The following PIAS2 variants were observed in gnomAD, a reference collection of about 807,000 sequenced individuals.
PIAS2 encodes the protein protein inhibitor of activated STAT 2.
A neutral mutation model predicts 69.7 loss-of-function variants in PIAS2; 19 were observed. The observed-to-expected ratio is 0.27, with a 90% CI of 0.19 to 0.40. The LOEUF is 0.40. PIAS2 is among the 10% of genes least tolerant of loss of function. The probability of loss-of-function intolerance (pLI) is 1.00; values close to 1 mark genes in which losing one functional copy is unlikely to be tolerated. For missense variants in PIAS2, 624 were observed against 757.0 expected, an observed-to-expected ratio of 0.82 and a Z score of 2.06; for synonymous variants, 261 against 263.2, an observed-to-expected ratio of 0.99 and a Z score of 0.08.
At chr18:46,885,985 G>T (rs1568733146) in intron 2 of PIAS2, among the ~76,000 whole-genome samples, 1 of 152,204 alleles carries the variant, frequency 6.6e-6, no homozygotes, top group Non-Finnish European at 1.5e-5. Flanking sequence ...ACAGAGCAAA[G>T]TAAGAAAATT....
At chr18:46,834,961 A>G (rs1024616053) in intron 9 of PIAS2, among the ~76,000 whole-genome samples, 8 of 152,342 alleles carry the variant, frequency 5.3e-5, no homozygotes, top group Middle Eastern at 3.4e-3. Context: ...GAGTATTTCT[A>G]TTTCTAAGAA....
chr18:46,879,778 T>C (rs1225165200), intron 2 of PIAS2, among the ~76,000 whole-genome samples: 1 of 152,126 alleles, frequency 6.6e-6, no homozygotes, highest in African/African-American at 2.4e-5. Flanking sequence ...TTGAGGACAT[T>C]ACGTTTAGTG....
chr18:46,837,835 G>T (rs1434561387), intron 8 of PIAS2, among the ~76,000 whole-genome samples: 2 of 151,998 alleles, frequency 1.3e-5, no homozygotes, highest in African/African-American at 2.4e-5. Flanking sequence ...TTGAAAATTT[G>T]TTTCTCCCAC....
intron 1 of PIAS2, among the ~76,000 whole-genome samples, chr18:46,894,282 A>G (rs1446772133): frequency 1.3e-5 from 2 of 152,138 alleles, no homozygotes; most frequent in Non-Finnish European, 2.9e-5. Flanking sequence ...TTCTTAACTT[A>G]GTCTTTCACC....
At chr18:46,841,635 C>G (rs943408178) in intron 8 of PIAS2, among the ~76,000 whole-genome samples, 7 of 152,160 alleles carry the variant, frequency 4.6e-5, no homozygotes, top group African/African-American at 1.7e-4. Flanking sequence ...AACACTACTA[C>G]TATAGCCCAA....
chr18:46,856,087 G>A (rs1245529918), intron 3 of PIAS2, among the ~76,000 whole-genome samples: 2 of 128,064 alleles, frequency 1.6e-5, no homozygotes, highest in Non-Finnish European at 3.1e-5. Flanking sequence ...CTCACTGCAA[G>A]CTCCGCCTCC....
At chr18:46,899,300 A>G (rs779832126) in intron 1 of PIAS2, among the ~76,000 whole-genome samples, 2 of 152,208 alleles carry the variant, frequency 1.3e-5, no homozygotes, top group Non-Finnish European at 2.9e-5. Flanking sequence ...ATAGTAACTG[A>G]ATAAGTAACT....
In PIAS2 at chr18:46,842,124, G is replaced by T. The variant is rs142859803; in HGVS notation, c.1041+1930C>A. On this transcript the variant is annotated intron_variant, in intron 8 of 13. Transcript: ENST00000585916. ...GGCGGTAGTCCCTGCTACTCAGGAG[G>T]CTGAGATGGGAAGATCACTTGAACC... Among the ~76,000 whole-genome samples the T allele has an allele frequency of 3.4e-4, 51 of 152,026 alleles. 1 individual carries two copies. The highest frequency in any genetic ancestry group is 1.2e-3 in the African/African-American group (51 of 41,472).
In PIAS2 at chr18:46,844,142, G is replaced by GA. The variant is rs34052557; in HGVS notation, c.968-16dup. 0.61 allele frequency: 600,574 copies of GA among 980,102 alleles called. 153,912 individuals are homozygous for GA. Among genetic ancestry groups the GA allele is most frequent in the African/African-American group, 0.85 (47,867 of 56,194 alleles). The allele number at this position is 980,102 out of a possible 1,614,324, so 60.7% of individuals were successfully genotyped here. A position where few individuals can be genotyped will look rare whatever the true frequency, so the allele number is the denominator to read the frequency against. On this transcript the variant is annotated splice_polypyrimidine_tract_variant and intron_variant, in intron 7 of 13. Transcript: ENST00000585916. ...TTTTTCTTTAACTTTAAAAAGAAGA[G>GA]AAAAAAAAAAATTTAAAAAAATTAA... is the stretch of plus-strand genomic sequence containing the variant.
intron 7 of PIAS2, 56 bp from the exon 8 acceptor site, chr18:46,844,183 G>T: frequency 1.2e-6 from 1 of 868,876 alleles, no homozygotes; most frequent in Non-Finnish European, 1.7e-6. Flanking sequence ...ACAAAGAAAT[G>T]GAATTATAGA....
At chr18:46,906,946 A>G (rs2056688749) in intron 1 of PIAS2, among the ~76,000 whole-genome samples, 1 of 152,140 alleles carries the variant, frequency 6.6e-6, no homozygotes, top group African/African-American at 2.4e-5. Context: ...GAACTTAACA[A>G]CTGAATATAA....
intron 11 of PIAS2, among the ~76,000 whole-genome samples, chr18:46,826,029 T>C (rs537128755): frequency 6.6e-6 from 1 of 152,330 alleles, no homozygotes; most frequent in South Asian, 2.1e-4. Flanking sequence ...CGTGTATTAA[T>C]GTGTATGTAT....
rs989203761 is a variant in PIAS2, at chr18:46,805,192, T to C, written c.*7241A>G. ...TGGGCAAAGGAACTATGCTACGTCA[T>C]GTCGGAGGATGGATAGGTTACTGAG... On this transcript the variant is annotated 3_prime_UTR_variant, in exon 14 of 14. Coordinates refer to ENST00000585916, the MANE Select transcript of PIAS2 (RefSeq NM_004671.5). 7 of 152,174 alleles carry C rather than the reference T, an allele frequency of 4.6e-5. No individual in the cohort carries two copies. The highest frequency in any genetic ancestry group is 1.7e-4 in the African/African-American group (7 of 41,440). 9.4% of individuals were successfully genotyped at this position (152,174 alleles called of 1,614,324 possible).
chr18:46,896,165 C>CAAAAAAAAAAAAAAAAAAAAAAAAA (rs1199712335), intron 1 of PIAS2, among the ~76,000 whole-genome samples: 3 of 31,940 alleles, frequency 9.4e-5, no homozygotes, highest in East Asian at 8.8e-4. Context: ...AAGAAAAAAG[C>CAAAAAAAAAAAAAAAAAAAAAAAAA]AAAAAAAAAA....
At chr18:46,846,649 C>G (rs1235770414) in intron 6 of PIAS2, 58 bp downstream of exon 6, 25 of 1,476,932 alleles carry the variant, frequency 1.7e-5, no homozygotes, top group Non-Finnish European at 2.2e-5. Context: ...AGAAAAAACA[C>G]AGAAAGTCAA....
intron 2 of PIAS2, among the ~76,000 whole-genome samples, chr18:46,879,636 T>G (rs575610112): frequency 6.6e-6 from 1 of 152,238 alleles, no homozygotes; most frequent in East Asian, 1.9e-4. Context: ...TCATTCACAA[T>G]AGCTAAAATG....
intron 12 of PIAS2, among the ~76,000 whole-genome samples, chr18:46,820,658 G>A (rs7229231): frequency 0.061 from 9,092 of 149,002 alleles, 302 homozygotes; most frequent in African/African-American, 0.076. Flanking sequence ...AAACCAAGAA[G>A]AAGTCTCTAA....
rs2040593361 is a variant in PIAS2 at position 46,804,304 on chromosome 18, G to T, written c.*8129C>A. On this transcript the variant is annotated 3_prime_UTR_variant, in exon 14 of 14. Transcript: ENST00000585916. ...ACCAGGGTACTGGGATAATAGTTAG[G>T]GAACACTTGCTTTTTAGATAGAATG... 1 of 152,086 alleles carries T rather than the reference G, an allele frequency of 6.6e-6. No homozygotes were observed. Among genetic ancestry groups the T allele is most frequent in the African/African-American group, 2.4e-5 (1 of 41,396 alleles). 9.4% of individuals were successfully genotyped at this position (152,086 alleles called of 1,614,324 possible).
intron 3 of PIAS2, among the ~76,000 whole-genome samples, chr18:46,859,200 G>A (rs1394368813): frequency 2.0e-5 from 3 of 152,114 alleles, no homozygotes; most frequent in South Asian, 2.1e-4. Context: ...AGGCCGAAGC[G>A]GGTGGATCAT....
Sources: allele counts gnomAD v4.1 joint callset (sites outside exome capture counted in the v4.1 genomes callset), GRCh38; gene constraint gnomAD v4.1.1; transcripts MANE v1.5; gene names NCBI Gene and HGNC (gene_info 2026-07-23, HGNC 2026-07-21).